PREX1: variants seen among roughly 807,000 people sequenced by gnomAD.
The protein encoded by PREX1 is phosphatidylinositol 3,4,5-trisphosphate-dependent Rac exchanger 1 protein.
Under a neutral mutation model 198.3 loss-of-function variants are expected in PREX1, and 41 were observed. The ratio of observed to expected loss-of-function variants is 0.21; its 90% CI spans 0.16 to 0.27. PREX1 has a LOEUF of 0.27. PREX1 is among the 10% of genes least tolerant of loss of function. The pLI is 1.00. For synonymous variants in PREX1, 843 were observed against 887.2 expected, an observed-to-expected ratio of 0.95 and a Z score of 0.89; for missense variants, 1,620 against 2,200.7, an observed-to-expected ratio of 0.74 and a Z score of 5.28.
intron 30 of PREX1, among the ~76,000 whole-genome samples, chr20:48,638,095 A>G (rs560266979): frequency 1.3e-5 from 2 of 152,228 alleles, no homozygotes; most frequent in South Asian, 2.1e-4. Context: ...ATACACACGT[A>G]TCCATACACA....
At chr20:48,829,978 G>A (rs1020052338), upstream of PREX1, among the ~76,000 whole-genome samples, 16 of 152,100 alleles carry the variant, frequency 1.1e-4, no homozygotes, top group African/African-American at 3.9e-4. Context: ...CTCTTTGTTG[G>A]GGGAGGGGCG....
rs72083927 is a variant in PREX1, at chr20:48,689,357, CAAT to C, written c.1187-556_1187-554del. ...GCCAGTACGCCACATGAGAAACCCG[CAAT>C]AATAAGGTGCCATAATTATCCCCGT... On this transcript the variant is annotated intron_variant, in intron 9 of 39. Transcript: ENST00000371941. Among the ~76,000 whole-genome samples, 1,283 of 152,264 alleles carry C rather than the reference CAAT, an allele frequency of 8.4e-3. 36 individuals carry two copies. Among genetic ancestry groups the C allele is most frequent in the East Asian group, 0.062 (324 of 5,188 alleles).
chr20:48,718,234 C>T (rs951511167), intron 5 of PREX1, among the ~76,000 whole-genome samples: 30 of 152,162 alleles, frequency 2.0e-4, no homozygotes, highest in Non-Finnish European at 3.4e-4. Flanking sequence ...CACGGCTCAC[C>T]GTGAAGTTCT....
intron 1 of PREX1, among the ~76,000 whole-genome samples, chr20:48,774,708 G>A (rs2090252806): frequency 6.6e-6 from 1 of 152,244 alleles, no homozygotes; most frequent in African/African-American, 2.4e-5. Context: ...AGGGAAGCTG[G>A]AAGGATGTGA....
Position 48,625,895 on chromosome 20 carries a change from C to G in PREX1, c.4970G>C (p.Gly1657Ala). 1 of 1,561,760 alleles carries G rather than the reference C, an allele frequency of 6.4e-7. No individual in the cohort carries two copies. Among genetic ancestry groups the G allele is most frequent in the Non-Finnish European group, 8.6e-7 (1 of 1,156,814 alleles). The change falls in exon 40 of 40, where the codon GGG (glycine) becomes GCG (alanine). Residue 1657 changes from glycine to alanine, a missense_variant. Around this residue, in one of 7 missense-constraint regions of PREX1, gnomAD observed 476 missense variants for 603.4 expected, o/e 0.79. Transcript: ENST00000371941. The part of the protein sequence containing the change: ...LYRLCQPPVD[G>A]DL ...GGGGCATTTGGGTGTTCAGAGGTCC[C>G]CATCCACCGGCGGCTGGCAGAGGCG...
chr20:48,798,110 T>C (rs1038347105), intron 1 of PREX1, among the ~76,000 whole-genome samples: 1 of 152,208 alleles, frequency 6.6e-6, no homozygotes, highest in Non-Finnish European at 1.5e-5. Context: ...ATGGGGTTCC[T>C]ACCTCTGGAA....
At chr20:48,828,545 C>T (rs1043020901), upstream of PREX1, among the ~76,000 whole-genome samples, 2 of 150,110 alleles carry the variant, frequency 1.3e-5, no homozygotes, top group Non-Finnish European at 3.0e-5. Context: ...AGTGACGGCC[C>T]CTCTCTGGGC....
At chr20:48,659,269 C>T (rs1036787888) in intron 16 of PREX1, among the ~76,000 whole-genome samples, 7 of 89,948 alleles carry the variant, frequency 7.8e-5, no homozygotes, top group Admixed American at 5.8e-4. Flanking sequence ...AGGACGGGCA[C>T]GAGAGAGAGA....
intron 3 of PREX1, among the ~76,000 whole-genome samples, chr20:48,741,659 A>G (rs779979413): frequency 2.0e-5 from 3 of 152,234 alleles, no homozygotes; most frequent in Non-Finnish European, 2.9e-5. Flanking sequence ...TCAAAGGGTG[A>G]TGCGGACTGT....
chr20:48,794,257 A>G (rs563934665), intron 1 of PREX1, among the ~76,000 whole-genome samples: 1 of 152,316 alleles, frequency 6.6e-6, no homozygotes, highest in African/African-American at 2.4e-5. Context: ...TGAATGAAGT[A>G]TCAGAAGCCA....
At chr20:48,830,100 C>A (rs750915039), upstream of PREX1, among the ~76,000 whole-genome samples, 2 of 152,136 alleles carry the variant, frequency 1.3e-5, no homozygotes, top group Admixed American at 1.3e-4. Context: ...ACAGTGGCTC[C>A]GGCCTCTAAT....
At chr20:48,656,335 C>T (rs549626866) in intron 18 of PREX1, 1 of 394,524 alleles carries the variant, frequency 2.5e-6, no homozygotes. Flanking sequence ...CCACCTTTGC[C>T]CCTGACAATC....
At chr20:48,736,390 A>C (rs1009847648) in intron 3 of PREX1, among the ~76,000 whole-genome samples, 1 of 152,192 alleles carries the variant, frequency 6.6e-6, no homozygotes. Context: ...CATGCTCCAA[A>C]CACCACCACC....
At chr20:48,856,625 A>G in the PREX1 span, among the ~76,000 whole-genome samples, 3,450 of 152,196 alleles carry the variant, frequency 0.023, 143 homozygotes, top group African/African-American at 0.077. Flanking sequence ...AAGTAAAATC[A>G]CTTTTCTTTT....
At chr20:48,817,055 C>A (rs1438841314) in intron 1 of PREX1, among the ~76,000 whole-genome samples, 1 of 152,214 alleles carries the variant, frequency 6.6e-6, no homozygotes, top group Non-Finnish European at 1.5e-5. Context: ...GTAAATGAAA[C>A]AGGATGTGTA....
intron 3 of PREX1, among the ~76,000 whole-genome samples, chr20:48,736,007 C>T (rs1184325778): frequency 6.6e-6 from 1 of 152,134 alleles, no homozygotes; most frequent in Non-Finnish European, 1.5e-5. Flanking sequence ...AGAGGGTGAC[C>T]TTGGGCAAGT....
chr20:48,767,547 C>T (rs746357345), intron 1 of PREX1, among the ~76,000 whole-genome samples: 3 of 152,124 alleles, frequency 2.0e-5, no homozygotes, highest in Non-Finnish European at 4.4e-5. Context: ...GATAACGAAC[C>T]CTAACTTCAG....
At chr20:48,843,091 T>G in the PREX1 span, among the ~76,000 whole-genome samples, 2 of 152,334 alleles carry the variant, frequency 1.3e-5, no homozygotes, top group Admixed American at 6.5e-5. Context: ...AAGGTCAACC[T>G]TGACTCTCGT....
At chr20:48,644,293 T>C (rs965396523) in intron 27 of PREX1, 116 bp downstream of exon 27, 3 of 864,160 alleles carry the variant, frequency 3.5e-6, no homozygotes, top group South Asian at 1.7e-5. Context: ...TACAGGACCA[T>C]GCAATAAAAC....
Sources: allele counts gnomAD v4.1 joint callset (sites outside exome capture counted in the v4.1 genomes callset), GRCh38; gene constraint gnomAD v4.1.1; regional missense constraint gnomAD v4.1.1; transcripts MANE v1.5; gene names NCBI Gene and HGNC (gene_info 2026-07-23, HGNC 2026-07-21).